Variants in TBL1Y observed in about 807,000 individuals in gnomAD.
TBL1Y encodes transducin beta like 1 Y-linked.
A neutral mutation model predicts 12.0 loss-of-function variants in TBL1Y; 15 were observed. The observed-to-expected ratio is 1.25, with a 90% CI of 0.83 to 1.92. The LOEUF is 1.92. TBL1Y is among the 40% of genes most tolerant of loss of function. The probability of loss-of-function intolerance (pLI) is 0.00; values close to 1 mark genes in which losing one functional copy is unlikely to be tolerated. For synonymous variants in TBL1Y, 53 were observed against 42.6 expected, an observed-to-expected ratio of 1.24 and a Z score of -0.95; for missense variants, 148 against 116.7, an observed-to-expected ratio of 1.27 and a Z score of -1.24.
intron 13 of TBL1Y, among the ~76,000 whole-genome samples, chrY:7,077,093 A>G: frequency 3.1e-5 from 1 of 31,844 alleles, no homozygotes; most frequent in African/African-American, 1.2e-4. Context: ...TGAAAAAATG[A>G]CACAGAGCAC....
At chrY:7,060,886 C>G (rs2012859226) in intron 7 of TBL1Y, among the ~76,000 whole-genome samples, 1 of 31,906 alleles carries the variant, frequency 3.1e-5, no homozygotes. Flanking sequence ...TTCTGTCACC[C>G]CGAAGGAACC....
chrY:7,064,774 G>T, intron 8 of TBL1Y, among the ~76,000 whole-genome samples: 4 of 33,288 alleles, frequency 1.2e-4, no homozygotes, highest in African/African-American at 3.5e-4. Flanking sequence ...GTGCACTAGT[G>T]GGTGGGAGGG....
chrY:6,983,548 C>T (rs905058238), intron 3 of TBL1Y, among the ~76,000 whole-genome samples: 3 of 33,520 alleles, frequency 8.9e-5, no homozygotes, highest in Non-Finnish European at 2.2e-4. Context: ...TTTTATGGTA[C>T]AACTTCTCTA....
At chrY:7,082,865 G>A (rs2013107543) in intron 14 of TBL1Y, among the ~76,000 whole-genome samples, 5 of 33,540 alleles carry the variant, frequency 1.5e-4, no homozygotes, top group Admixed American at 2.7e-4. Context: ...AGGAGAGGAC[G>A]ATCGCGTTCC....
At chrY:6,935,019 T>C in intron 2 of TBL1Y, among the ~76,000 whole-genome samples, 1 of 32,549 alleles carries the variant, frequency 3.1e-5, no homozygotes, top group East Asian at 8.1e-4. Context: ...CTAATTTTCT[T>C]TTCTTTTCTT....
chrY:6,956,177 C>G (rs751772037), intron 2 of TBL1Y, among the ~76,000 whole-genome samples: 39 of 33,168 alleles, frequency 1.2e-3, no homozygotes, highest in African/African-American at 4.1e-3. Context: ...GGGATCATGT[C>G]CTCATCAAAA....
At chrY:7,062,170 C>T in intron 7 of TBL1Y, among the ~76,000 whole-genome samples, 1 of 32,238 alleles carries the variant, frequency 3.1e-5, no homozygotes, top group East Asian at 8.4e-4. Flanking sequence ...TAGGGGATCC[C>T]ATGTGCTGGA....
In TBL1Y at chrY:6,963,826, AC is replaced by A. The variant is rs756260930; in HGVS notation, c.-265-14384del. Among the ~76,000 whole-genome samples, 3 of 33,359 alleles carry A rather than the reference AC, an allele frequency of 9.0e-5. No homozygotes were observed. The East Asian group carries it at 2.4e-3, about 26-fold the overall frequency. 89.5% of individuals were successfully genotyped at this position (33,359 alleles called of 37,273 possible). A position where few individuals can be genotyped will look rare whatever the true frequency, so the allele number is the denominator to read the frequency against. ...ACTGTGGGGGTTGTTGTCCCTGAAA[AC>A]CCTGAGGAACAAATGGCTGAATCAG... On this transcript the variant is annotated intron_variant, in intron 2 of 18. Coordinates refer to ENST00000383032, the MANE Select transcript of TBL1Y (RefSeq NM_033284.2).
At chrY:7,067,709 G>C in intron 8 of TBL1Y, among the ~76,000 whole-genome samples, 1 of 33,017 alleles carries the variant, frequency 3.0e-5, no homozygotes, top group Non-Finnish European at 7.4e-5. Context: ...GTTATTAGAT[G>C]ATATTTGTCT....
At chrY:7,045,488 T>C in intron 7 of TBL1Y, among the ~76,000 whole-genome samples, 2 of 33,629 alleles carry the variant, frequency 5.9e-5, no homozygotes, top group African/African-American at 2.3e-4. Flanking sequence ...CCCTGCCTCA[T>C]TCCCCCCTAA....
intron 6 of TBL1Y, among the ~76,000 whole-genome samples, chrY:7,035,534 A>G: frequency 2.9e-5 from 1 of 34,254 alleles, no homozygotes; most frequent in Non-Finnish European, 7.3e-5. Flanking sequence ...TTACATTAGC[A>G]AAGACTTGGA....
intron 4 of TBL1Y, among the ~76,000 whole-genome samples, chrY:7,007,084 A>C (rs2012492380): frequency 2.9e-5 from 1 of 34,120 alleles, no homozygotes; most frequent in Non-Finnish European, 7.3e-5. Context: ...AAACAAAAGA[A>C]ACTTTAAGAA....
chrY:6,913,432 G>A, intron 2 of TBL1Y, among the ~76,000 whole-genome samples: 1 of 32,051 alleles, frequency 3.1e-5, no homozygotes, highest in African/African-American at 1.2e-4. Flanking sequence ...GCTTTTGGGA[G>A]CTGACAAAGT....
intron 7 of TBL1Y, among the ~76,000 whole-genome samples, chrY:7,062,551 C>A: frequency 6.0e-5 from 2 of 33,429 alleles, no homozygotes; most frequent in South Asian, 7.0e-4. Context: ...CCATCTTTAT[C>A]CTCCCTGCTC....
At chrY:7,030,955 G>C in intron 6 of TBL1Y, among the ~76,000 whole-genome samples, 1 of 33,194 alleles carries the variant, frequency 3.0e-5, no homozygotes, top group Admixed American at 2.7e-4. Flanking sequence ...GGATTAGATA[G>C]AGTAGATATT....
chrY:6,975,470 T>C (rs2012231617), intron 2 of TBL1Y, among the ~76,000 whole-genome samples: 1 of 33,196 alleles, frequency 3.0e-5, no homozygotes, highest in Non-Finnish European at 7.4e-5. Context: ...CCATGCCAAC[T>C]TTTTTCTCTT....
Position 7,077,441 on chromosome Y carries a change from G to A in TBL1Y, c.955+2821G>A, listed in dbSNP as rs769095202. 1.8e-4 allele frequency among the ~76,000 whole-genome samples: 6 copies of A among 33,527 alleles called. No individual in the cohort carries two copies. In the East Asian group the frequency reaches 4.8e-3, roughly 27 times the overall value. 89.9% of individuals were successfully genotyped at this position (33,527 alleles called of 37,273 possible). On this transcript the variant is annotated intron_variant, in intron 13 of 18. Transcript: ENST00000383032. ...AGGGCCAACTGCCTGAGGACAAGGG[G>A]CCTTCCTTTTAGATGGGAGAGTCAT...
chrY:7,080,560 C>A (rs767455286), intron 13 of TBL1Y, among the ~76,000 whole-genome samples, 172 bp from the exon 14 acceptor site: 1 of 33,281 alleles, frequency 3.0e-5, no homozygotes, highest in Non-Finnish European at 7.4e-5. Flanking sequence ...TTTGAGGCTG[C>A]CATGAGCCGT....
At chrY:7,042,956 G>A (rs756083194) in intron 6 of TBL1Y, 24 bp from the exon 7 acceptor site, 4 of 395,913 alleles carry the variant, frequency 1.0e-5, no homozygotes, top group South Asian at 3.0e-5. Context: ...CTCACTCAAC[G>A]TCAGCTTTCC....
Sources: allele counts gnomAD v4.1 joint callset (sites outside exome capture counted in the v4.1 genomes callset), GRCh38; gene constraint gnomAD v4.1.1; transcripts MANE v1.5; gene names NCBI Gene and HGNC (gene_info 2026-07-23, HGNC 2026-07-21).